The following PLXND1 variants were observed in gnomAD, a reference collection of about 807,000 sequenced individuals.
PLXND1 encodes the protein plexin-D1.
Under a neutral mutation model 197.7 loss-of-function variants are expected in PLXND1, and 54 were observed. The ratio of observed to expected loss-of-function variants is 0.27; its 90% confidence interval spans 0.22 to 0.34. The LOEUF is 0.34. Among genes scored for constraint, PLXND1 ranks in the 10% least tolerant of loss-of-function variants. The probability of loss-of-function intolerance (pLI) is 1.00; values close to 1 mark genes in which losing one functional copy is unlikely to be tolerated. For synonymous variants in PLXND1, 1,180 were observed against 1,161.2 expected (o/e 1.02, Z -0.33); for missense variants, 2,127 against 2,699.2 (o/e 0.79, Z 4.70).
At chr3:129,565,768 G>T in intron 24 of PLXND1, 119 bp downstream of exon 24, 2 of 1,136,118 alleles carry the variant, frequency 1.8e-6, no homozygotes, top group Non-Finnish European at 2.5e-6. Flanking sequence ...TCCCGGCCCA[G>T]GAAGGGCTGG....
intron 13 of PLXND1, 123 bp downstream of exon 13, chr3:129,573,471 C>G: frequency 9.6e-7 from 1 of 1,038,066 alleles, no homozygotes; most frequent in Non-Finnish European, 1.4e-6. Context: ...CTGGAGGCCA[C>G]GAAGCAACAG....
intron 1 of PLXND1, among the ~76,000 whole-genome samples, chr3:129,592,314 G>T (rs1479820961): frequency 6.6e-6 from 1 of 152,226 alleles, no homozygotes; most frequent in Admixed American, 6.5e-5. Flanking sequence ...CACTGCGAGG[G>T]ATGATTTTCC....
At position 129,605,665 on chromosome 3, in the gene PLXND1, G is replaced by T. The variant is rs1052527824; in HGVS notation, c.975C>A (p.His325Gln). ...GCTTCTTGGCGTCGCCGCCGGCGCC[G>T]TGGGGCAGGCAGATGCGCGCCAGCA... ...RSLLARICLP[H>Q]GAGGDAKKLT... Residue 325 changes from histidine (H) to glutamine (Q), a missense_variant, in exon 1 of 36, where the codon CAC becomes CAA. Physicochemically the swap from His to Gln is conservative, Grantham distance 24. This residue lies in a region of PLXND1 where 1,095 missense variants were observed against 1,259.8 expected (regional missense o/e 0.87). Coordinates refer to ENST00000324093, the MANE Select transcript of PLXND1 (RefSeq NM_015103.3). 1.5e-5 allele frequency: 23 copies of T among 1,537,314 alleles called. No individual in the cohort carries two copies. The East Asian group carries it at 5.4e-4, about 36-fold the overall frequency.
rs368770401 is a variant in PLXND1, at chr3:129,572,635, G to A, written c.3051C>T (p.Asn1017=). ...TCAGCTCCGTGCAGGGGTCTGTGTC[G>A]TTCACCAGGACCTGGAGCTCGGAGC... is the stretch of plus-strand genomic sequence containing the variant. ...HVGSELQVLV[N]DTDPCTELMR... is the part of the protein sequence containing the mutation. The change falls in exon 15 of 36, where the codon AAC becomes AAT. Residue 1017 remains asparagine (N), a synonymous_variant. Coordinates refer to ENST00000324093, the MANE Select transcript of PLXND1 (RefSeq NM_015103.3). 44 of 1,590,406 alleles carry A rather than the reference G, an allele frequency of 2.8e-5. No homozygotes were observed. Among genetic ancestry groups the A allele is most frequent in the South Asian group, 8.1e-5 (7 of 86,582 alleles).
intron 5 of PLXND1, 81 bp from the exon 6 acceptor site, chr3:129,584,643 G>A: frequency 1.5e-6 from 2 of 1,341,002 alleles, no homozygotes; most frequent in Non-Finnish European, 2.1e-6. Context: ...CCAACCCAAG[G>A]TCTGGCACTG....
rs117040889 is a variant in PLXND1, at chr3:129,580,745, G to A, written c.2242-2312C>T. On this transcript the variant is annotated intron_variant, in intron 8 of 35. Transcript: ENST00000324093. ...CTCACAGGGCCTCTCCTAAACTCCA[G>A]GGGAAGAACTGGTGTCCCAAACCAT... Among the ~76,000 whole-genome samples, 136 of 152,128 alleles carry A rather than the reference G, an allele frequency of 8.9e-4. No individual in the cohort carries two copies. The East Asian group carries it at 0.024, about 27-fold the overall frequency.
Position 129,557,396 on chromosome 3 carries a change from A to G in PLXND1, c.5446-173T>C, listed in dbSNP as rs905675808. Among the ~76,000 whole-genome samples, 1 of 152,154 alleles carries G rather than the reference A, an allele frequency of 6.6e-6. No homozygotes were observed. Among genetic ancestry groups the G allele is most frequent in the Non-Finnish European group, 1.5e-5 (1 of 68,012 alleles). ...CCCCGCACTCAGCCGGCCCCAGACC[A>G]GGGGCTCCTCACTGTGCTCTGTCTG... On this transcript the variant is annotated intron_variant, in intron 33 of 35. Transcript: ENST00000324093. The surrounding 1 kb of genome is among the most constrained non-coding windows in gnomAD (Gnocchi z 4.8).
Position 129,584,113 on chromosome 3 carries a change from C to T in PLXND1, c.2138+12G>A. On this transcript the variant is annotated intron_variant, in intron 7 of 35. Coordinates refer to ENST00000324093, the MANE Select transcript of PLXND1 (RefSeq NM_015103.3). ...CTCCACCAACTGGAGGCAAGCCACC[C>T]AAGCCACTCACGCTGTGTGGGGGTA... is the stretch of plus-strand genomic sequence containing the variant. 6.5e-7 allele frequency: 1 copy of T among 1,537,258 alleles called. No individual in the cohort carries two copies. Among genetic ancestry groups the T allele is most frequent in the Non-Finnish European group, 8.8e-7 (1 of 1,133,016 alleles).
rs2085507856 is a variant in PLXND1 at position 129,589,541 on chromosome 3, G to A, written c.1312-14C>T. 1.5e-5 allele frequency: 24 copies of A among 1,554,362 alleles called. No individual in the cohort carries two copies. Among genetic ancestry groups the A allele is most frequent in the Middle Eastern group, 2.1e-4 (1 of 4,836 alleles). On this transcript the variant is annotated splice_polypyrimidine_tract_variant and intron_variant, in intron 1 of 35. Transcript: ENST00000324093. The stretch of plus-strand genomic sequence containing the variant: ...CTCTGGCTGGAGCTGGAAGAGGAAC[G>A]GCACGTCAGATCCCAGCTCCAGAAC...
intron 17 of PLXND1, 75 bp from the exon 18 acceptor site, chr3:129,571,378 G>C: frequency 6.4e-7 from 1 of 1,559,732 alleles, no homozygotes; most frequent in African/African-American, 1.4e-5. Flanking sequence ...GTGGGGAGTG[G>C]GGTTTGAGGA....
In PLXND1 at chr3:129,586,156, TG is replaced by T. The variant is rs2085456626; in HGVS notation, c.1721+15del. The T allele has an allele frequency of 1.9e-6, 3 of 1,609,970 alleles. No homozygotes were observed. In the African/African-American group the frequency reaches 4.0e-5, roughly 21 times the overall value. ...ACAGCCCTCCTGGTCCAGCTGTTGC[TG>T]GTGTCCAGCCTCACCGCGTCTCCAG... On this transcript the variant is annotated intron_variant, in intron 4 of 35. Transcript: ENST00000324093.
At position 129,557,356 on chromosome 3, in the gene PLXND1, C is replaced by G; in HGVS notation, c.5446-133G>C. On this transcript the variant is annotated intron_variant, in intron 33 of 35. Coordinates refer to ENST00000324093, the MANE Select transcript of PLXND1 (RefSeq NM_015103.3). The surrounding 1 kb of genome is among the most constrained non-coding windows in gnomAD (Gnocchi z 4.8). ...GCCCCCGAGGCCCAAAGAGTCTCAC[C>G]CGGTCACTGAACGTCCCCGCACTCA... 1.0e-6 allele frequency: 1 copy of G among 970,048 alleles called. No homozygotes were observed. The highest frequency in any genetic ancestry group is 1.5e-6 in the Non-Finnish European group (1 of 647,528). 60.1% of individuals were successfully genotyped at this position (970,048 alleles called of 1,614,324 possible).
Position 129,606,040 on chromosome 3 carries a change from C to G in PLXND1, c.600G>C (p.Ala200=). 3.1e-6 allele frequency: 5 copies of G among 1,594,202 alleles called. No homozygotes were observed. The highest frequency in any genetic ancestry group is 4.3e-6 in the Non-Finnish European group (5 of 1,173,842). The part of the protein sequence containing the change: ...STVGLVLPPA[A]GAGGSRLLVG... ...CGAGCAGGCGGCTGCCCCCCGCGCCCGCGGCGGGAGGCAGAACTAGCCCCA... is the reference window on the plus strand; with the variant it reads ...CGAGCAGGCGGCTGCCCCCCGCGCCGGCGGCGGGAGGCAGAACTAGCCCCA... The change falls in exon 1 of 36, where the codon GCG becomes GCC. Residue 200 remains alanine (A), a synonymous_variant. Transcript: ENST00000324093.
chr3:129,564,329 T>C (rs1044241363), intron 25 of PLXND1, among the ~76,000 whole-genome samples: 1 of 152,246 alleles, frequency 6.6e-6, no homozygotes, highest in African/African-American at 2.4e-5. Flanking sequence ...ACAGCTGGGC[T>C]GTGCCAAAGA....
chr3:129,567,366 C>T lies in PLXND1; in HGVS notation c.4086+126G>A, dbSNP rs116637210. The T allele has an allele frequency of 3.9e-3, 2,514 of 646,190 alleles. 30 individuals carry two copies. In the African/African-American group the frequency reaches 0.04, roughly 10 times the overall value. The allele number at this position is 646,190 out of a possible 1,614,324, so 40.0% of individuals were successfully genotyped here. A position where few individuals can be genotyped will look rare whatever the true frequency, so the allele number is the denominator to read the frequency against. On this transcript the variant is annotated intron_variant, in intron 22 of 35. Coordinates refer to ENST00000324093, the MANE Select transcript of PLXND1 (RefSeq NM_015103.3). ...GGCAGGCCAGGGCAAGTGGCCAGGA[C>T]GGCTGCGGACAGCTGTGCAGGTTTG... is the stretch of plus-strand genomic sequence containing the variant.
chr3:129,572,146 G>A (rs1578323756), intron 15 of PLXND1, among the ~76,000 whole-genome samples: 1 of 152,120 alleles, frequency 6.6e-6, no homozygotes, highest in Admixed American at 6.5e-5. Context: ...AGCCCCACTG[G>A]ATGTTCCTAC....
chr3:129,565,555 G>A lies in PLXND1; in HGVS notation c.4323-17C>T. On this transcript the variant is annotated splice_polypyrimidine_tract_variant and intron_variant, in intron 24 of 35. Transcript: ENST00000324093. ...AGGCTGCACCTGTGAGCGGGAGGCA[G>A]GTGTCAACTGCACCTTGAGGCCCTA... is the stretch of plus-strand genomic sequence containing the variant. 1 of 1,607,478 alleles carries A rather than the reference G, an allele frequency of 6.2e-7. No individual in the cohort carries two copies. Among genetic ancestry groups the A allele is most frequent in the Non-Finnish European group, 8.5e-7 (1 of 1,175,390 alleles).
rs865925326 is a variant in PLXND1, at chr3:129,563,187, G to C, written c.4575C>G (p.Ile1525Met). The C allele has an allele frequency of 6.2e-7, 1 of 1,612,618 alleles. No homozygotes were observed. The highest frequency in any genetic ancestry group is 8.5e-7 in the Non-Finnish European group (1 of 1,179,282). The change falls in exon 26 of 36, where the codon ATC becomes ATG. Residue 1525 changes from isoleucine (I) to methionine (M), a missense_variant. Ile to Met is a conservative substitution (Grantham distance 10, BLOSUM62 1). Around this residue, in one of 6 missense-constraint regions of PLXND1, gnomAD observed 532 missense variants for 811.0 expected, o/e 0.66. Transcript: ENST00000324093. ...FLLLCAIKQQINKGSIDAITG... is the reference protein window; with the variant it reads ...FLLLCAIKQQMNKGSIDAITG... ...TGATGGCGTCGATGGAGCCCTTGTT[G>C]ATTTGCTGCTTGATGGCACACAGCA...
At position 129,586,629 on chromosome 3, in the gene PLXND1, G is replaced by A. The variant is rs1295938364; in HGVS notation, c.1579C>T (p.Pro527Ser). 1 of 1,577,386 alleles carries A rather than the reference G, an allele frequency of 6.3e-7. No homozygotes were observed. Among genetic ancestry groups the A allele is most frequent in the East Asian group, 2.3e-5 (1 of 43,542 alleles). ...AGGTAAAGGTAACCGGAGTCTGCTG[G>A]GTCAAACTGCATGACATGGTGCACG... Reference protein sequence around the residue: ...EPVHHVMQFDPADSGYLYLMT... With the variant: ...EPVHHVMQFDSADSGYLYLMT... The change falls in exon 3 of 36, where the codon CCA becomes TCA. Residue 527 changes from proline to serine, a missense_variant. By Grantham distance (74) the Pro-to-Ser change is moderately conservative (BLOSUM62 -1). Around this residue, in one of 6 missense-constraint regions of PLXND1, gnomAD observed 1,095 missense variants for 1,259.8 expected, o/e 0.87. Coordinates refer to ENST00000324093, the MANE Select transcript of PLXND1 (RefSeq NM_015103.3).
Sources: gnomAD v4.1 joint callset for allele counts (sites outside exome capture counted in the v4.1 genomes callset) on GRCh38, gnomAD v4.1.1 for gene constraint, gnomAD v4.1.1 regional missense constraint, Gnocchi (gnomAD v3.1) non-coding constraint, MANE v1.5 for transcripts, NCBI Gene and HGNC (gene_info 2026-07-23, HGNC 2026-07-21) for gene names.